The following PIEZO2 variants were observed in gnomAD, a reference collection of about 807,000 sequenced individuals.
PIEZO2 encodes piezo-type mechanosensitive ion channel component 2.
PIEZO2 carries 172 observed loss-of-function variants against 337.3 expected under a neutral mutation model. The observed-to-expected ratio is 0.51, with a 90% confidence interval of 0.45 to 0.58. The LOEUF is 0.58. Among genes scored for constraint, PIEZO2 ranks in the 20% least tolerant of loss-of-function variants. The pLI, the probability that PIEZO2 is intolerant of heterozygous loss-of-function variation, is 0.00. For synonymous variants in PIEZO2, 1,251 were observed against 1,228.5 expected (o/e 1.02, Z -0.38); for missense variants, 3,028 against 3,391.3 (o/e 0.89, Z 2.66).
intron 1 of PIEZO2, among the ~76,000 whole-genome samples, chr18:11,088,669 A>G (rs1422359768): frequency 6.6e-6 from 1 of 152,214 alleles, no homozygotes; most frequent in Non-Finnish European, 1.5e-5. Context: ...TGATTGGTGT[A>G]GTCTAGGTTT....
Position 10,670,752 on chromosome 18 carries a change from T to C in PIEZO2, c.*775A>G, listed in dbSNP as rs780540028. The C allele has an allele frequency of 6.6e-6, 1 of 152,618 alleles. No homozygotes were observed. 9.5% of individuals were successfully genotyped at this position (152,618 alleles called of 1,614,324 possible). A position where few individuals can be genotyped will look rare whatever the true frequency, so the allele number is the denominator to read the frequency against. The stretch of plus-strand genomic sequence containing the variant: ...TTTTTACTCTTCTGCCTCATGTCTG[T>C]TTGCACAGGAGACCGCAGCCCTCCA... On this transcript the variant is annotated 3_prime_UTR_variant, in exon 56 of 56. Coordinates refer to ENST00000674853, the MANE Select transcript of PIEZO2 (RefSeq NM_001378183.1).
intron 2 of PIEZO2, among the ~76,000 whole-genome samples, chr18:11,053,201 A>C (rs2037592398): frequency 6.6e-6 from 1 of 152,222 alleles, no homozygotes; most frequent in African/African-American, 2.4e-5. Context: ...GAGGGCTATC[A>C]GCTCTTTAAT....
rs116479043 is a variant in PIEZO2 at position 10,711,722 on chromosome 18, A to G, written c.5423+3042T>C. ...TGGGGCAGCATATTTTCTCGAAGAA[A>G]GATGCAAAGGTGCAATATTCAAACT... On this transcript the variant is annotated intron_variant, in intron 39 of 55. Transcript: ENST00000674853. Among the ~76,000 whole-genome samples, 894 of 152,358 alleles carry G rather than the reference A, an allele frequency of 5.9e-3. 9 individuals carry two copies. Among genetic ancestry groups the G allele is most frequent in the African/African-American group, 0.019 (792 of 41,576 alleles).
intron 3 of PIEZO2, among the ~76,000 whole-genome samples, chr18:10,972,864 T>TA (rs2034297959): frequency 6.6e-6 from 1 of 152,078 alleles, no homozygotes; most frequent in Non-Finnish European, 1.5e-5. Flanking sequence ...TTTGACCACT[T>TA]ACAATGGGTC....
intron 2 of PIEZO2, among the ~76,000 whole-genome samples, chr18:11,019,240 C>G (rs962740020): frequency 2.0e-5 from 3 of 152,204 alleles, no homozygotes; most frequent in African/African-American, 4.8e-5. Context: ...CATATGGGAA[C>G]CAGAGAGATC....
In PIEZO2 at chr18:10,718,379, G is replaced by A. The variant is rs144246063; in HGVS notation, c.5030-120C>T. 2.4e-3 allele frequency: 1,946 copies of A among 795,284 alleles called. 12 individuals carry two copies. The highest frequency in any genetic ancestry group is 9.7e-3 in the South Asian group (577 of 59,596). 49.3% of individuals were successfully genotyped at this position (795,284 alleles called of 1,614,324 possible). A position where few individuals can be genotyped will look rare whatever the true frequency, so the allele number is the denominator to read the frequency against. ...AACTCTAGGACATTCTATTTCAAGA[G>A]TTCCTTGGGGAAAGGTTGTTAGAAT... On this transcript the variant is annotated intron_variant, in intron 36 of 55. Coordinates refer to ENST00000674853, the MANE Select transcript of PIEZO2 (RefSeq NM_001378183.1).
At chr18:11,135,038 CA>C (rs5823137) in intron 1 of PIEZO2, among the ~76,000 whole-genome samples, 84,982 of 137,802 alleles carry the variant, frequency 0.62, 25,362 homozygotes, top group South Asian at 0.71. Context: ...ATTAAGTAAG[CA>C]AAAAAAAAAA....
Position 11,037,449 on chromosome 18 carries a change from T to C in PIEZO2, c.160+28678A>G, listed in dbSNP as rs1342213889. On this transcript the variant is annotated intron_variant, in intron 2 of 55. Coordinates refer to ENST00000674853, the MANE Select transcript of PIEZO2 (RefSeq NM_001378183.1). ...AGCTCCAATTCTATGTTCTATGAAATAAATTGGAAGAAAAATACAATTCAG... is the reference window on the plus strand; with the variant it reads ...AGCTCCAATTCTATGTTCTATGAAACAAATTGGAAGAAAAATACAATTCAG... Among the ~76,000 whole-genome samples, 3 of 152,284 alleles carry C rather than the reference T, an allele frequency of 2.0e-5. No individual in the cohort carries two copies. In the East Asian group the frequency reaches 5.8e-4, roughly 29 times the overall value.
chr18:10,990,338 G>A (rs936511293), intron 2 of PIEZO2, among the ~76,000 whole-genome samples: 113 of 152,092 alleles, frequency 7.4e-4, no homozygotes, highest in African/African-American at 2.6e-3. Context: ...AATTGGGTGT[G>A]AACAAATAAG....
intron 3 of PIEZO2, among the ~76,000 whole-genome samples, chr18:10,968,381 T>C (rs1345124886): frequency 6.6e-6 from 1 of 152,222 alleles, no homozygotes; most frequent in Non-Finnish European, 1.5e-5. Flanking sequence ...AGTCAGGTAA[T>C]GTGATGCCTC....
At chr18:10,865,981 A>G (rs927103425) in intron 5 of PIEZO2, among the ~76,000 whole-genome samples, 11 of 152,248 alleles carry the variant, frequency 7.2e-5, no homozygotes, top group African/African-American at 2.7e-4. Flanking sequence ...ACAGAACAAC[A>G]TATTCCAAGA....
chr18:10,770,194 A>C lies in PIEZO2; in HGVS notation c.2900T>G (p.Ile967Ser). ...VFMWWILELH[I>S]IKIVSSYIIW... The stretch of plus-strand genomic sequence containing the variant: ...AATGTAAGAGGAAACGATTTTGATG[A>C]TGTGCAACTCCAAAATCCACCACAT... Residue 967 changes from isoleucine (I) to serine (S), a missense_variant, in exon 21 of 56, where the codon ATC becomes AGC. Coordinates refer to ENST00000674853, the MANE Select transcript of PIEZO2 (RefSeq NM_001378183.1). The C allele has an allele frequency of 1.3e-6, 2 of 1,537,336 alleles. No homozygotes were observed. The highest frequency in any genetic ancestry group is 1.7e-6 in the Non-Finnish European group (2 of 1,146,910).
At chr18:10,914,378 C>T (rs2030755633) in intron 3 of PIEZO2, among the ~76,000 whole-genome samples, 1 of 151,892 alleles carries the variant, frequency 6.6e-6, no homozygotes, top group Non-Finnish European at 1.5e-5. Flanking sequence ...GAATTAATTC[C>T]AGGACCCCTG....
At chr18:11,058,266 C>T (rs1253716374) in intron 2 of PIEZO2, among the ~76,000 whole-genome samples, 1 of 152,184 alleles carries the variant, frequency 6.6e-6, no homozygotes, top group Non-Finnish European at 1.5e-5. Flanking sequence ...GGAAAACTAA[C>T]AAACAGAAAG....
At chr18:10,971,701 C>A (rs1446184365) in intron 3 of PIEZO2, among the ~76,000 whole-genome samples, 1 of 152,174 alleles carries the variant, frequency 6.6e-6, no homozygotes, top group Non-Finnish European at 1.5e-5. Context: ...ATTAGATTAA[C>A]TATCCTCTCA....
rs959549076 is a variant in PIEZO2, at chr18:10,781,133, T to C, written c.2493-767A>G. On this transcript the variant is annotated intron_variant, in intron 17 of 55. Transcript: ENST00000674853. This position sits in a 1 kb window ranked among gnomAD's most constrained non-coding sequence, Gnocchi z 4.1. Reference sequence around the variant, plus strand: ...AGTCATTTCATTTCTCTATGCATAATAATACTTTCTAAAACAAACCTGCAT... The same window carrying C: ...AGTCATTTCATTTCTCTATGCATAACAATACTTTCTAAAACAAACCTGCAT... Among the ~76,000 whole-genome samples, 12 of 152,046 alleles carry C rather than the reference T, an allele frequency of 7.9e-5. No individual in the cohort carries two copies. Among genetic ancestry groups the C allele is most frequent in the African/African-American group, 2.7e-4 (11 of 41,400 alleles).
In PIEZO2 at chr18:10,672,956, C is replaced by A; in HGVS notation, c.8162-83G>T. 2 of 1,135,370 alleles carry A rather than the reference C, an allele frequency of 1.8e-6. No individual in the cohort carries two copies. Among genetic ancestry groups the A allele is most frequent in the South Asian group, 1.5e-5 (1 of 67,510 alleles). The allele number at this position is 1,135,370 out of a possible 1,614,324, so 70.3% of individuals were successfully genotyped here. A position where few individuals can be genotyped will look rare whatever the true frequency, so the allele number is the denominator to read the frequency against. ...AGCAACAGTTTTCAGATGGCAAAAT[C>A]TGGTTACTAACTATAGCATAAGGTT... On this transcript the variant is annotated intron_variant, in intron 54 of 55. Coordinates refer to ENST00000674853, the MANE Select transcript of PIEZO2 (RefSeq NM_001378183.1). This position sits in a 1 kb window ranked among gnomAD's most constrained non-coding sequence, Gnocchi z 4.7.
rs536907909 is a variant in PIEZO2 at position 11,023,600 on chromosome 18, G to A, written c.160+42527C>T. ...CAGCTGGCTTCACCCAGTGGATCCC[G>A]CACCGGGGCGGCAGGTGGAGCTGCC... On this transcript the variant is annotated intron_variant, in intron 2 of 55. Transcript: ENST00000674853. 2.8e-4 allele frequency among the ~76,000 whole-genome samples: 43 copies of A among 152,358 alleles called. No individual in the cohort carries two copies. In the South Asian group the frequency reaches 6.8e-3, roughly 24 times the overall value.
chr18:10,722,289 G>A (rs2036347402), intron 36 of PIEZO2, among the ~76,000 whole-genome samples: 1 of 150,714 alleles, frequency 6.6e-6, no homozygotes, highest in Admixed American at 6.6e-5. Context: ...AGAGTGCAGT[G>A]GTGCGGTCTC....
Sources: allele counts gnomAD v4.1 joint callset (sites outside exome capture counted in the v4.1 genomes callset), GRCh38; gene constraint gnomAD v4.1.1; non-coding constraint Gnocchi (gnomAD v3.1); transcripts MANE v1.5; gene names NCBI Gene and HGNC (gene_info 2026-07-23, HGNC 2026-07-21).